The following CSMD1 variants were observed in gnomAD, a reference collection of about 807,000 sequenced individuals.
CSMD1 encodes CUB and sushi domain-containing protein 1.
Under a neutral mutation model 417.5 loss-of-function variants are expected in CSMD1, and 213 were observed. That is an observed-to-expected ratio of 0.51 (90% CI 0.46 to 0.57). The LOEUF (loss-of-function observed/expected upper bound fraction) is 0.57, where lower values mean the gene tolerates loss of function less well. CSMD1 is among the 20% of genes least tolerant of loss of function. CSMD1 has a pLI of 0.00. For missense variants in CSMD1, 6,923 were observed against 4,529.7 expected (o/e 1.53, Z -15.17); for synonymous variants, 2,862 against 1,736.8 (o/e 1.65, Z -16.11).
chr8:4,434,007 C>T (rs984039400), intron 2 of CSMD1, among the ~76,000 whole-genome samples: 1 of 152,088 alleles, frequency 6.6e-6, no homozygotes, highest in Non-Finnish European at 1.5e-5. Flanking sequence ...TTAACAGCTT[C>T]AATTCTTTTC....
intron 20 of CSMD1, among the ~76,000 whole-genome samples, chr8:3,361,555 G>A (rs1291667721): frequency 6.6e-6 from 1 of 150,774 alleles, no homozygotes; most frequent in African/African-American, 2.4e-5. Flanking sequence ...GGGAGGCCGA[G>A]GCAGAAGAAT....
At chr8:3,935,469 T>G (rs1035164380) in intron 5 of CSMD1, among the ~76,000 whole-genome samples, 1 of 152,210 alleles carries the variant, frequency 6.6e-6, no homozygotes. Context: ...AACAGGTCTA[T>G]TGGTGTCATT....
intron 4 of CSMD1, among the ~76,000 whole-genome samples, chr8:4,021,993 T>A (rs1484472348): frequency 1.3e-5 from 2 of 151,858 alleles, no homozygotes; most frequent in Admixed American, 6.6e-5. Context: ...GATAGTTAGG[T>A]CTGTCTAATT....
chr8:3,247,703 C>T (rs79628064), intron 26 of CSMD1, among the ~76,000 whole-genome samples: 12,736 of 152,182 alleles, frequency 0.084, 712 homozygotes, highest in Non-Finnish European at 0.12. Context: ...AACCACATCT[C>T]CCAACAGTTG....
At chr8:3,265,790 C>T (rs954782992) in intron 26 of CSMD1, among the ~76,000 whole-genome samples, 1 of 152,092 alleles carries the variant, frequency 6.6e-6, no homozygotes, top group Non-Finnish European at 1.5e-5. Context: ...TGCAGTTGCA[C>T]CCTCCACACA....
intron 51 of CSMD1, among the ~76,000 whole-genome samples, chr8:3,028,185 G>A (rs554744227): frequency 1.1e-4 from 16 of 152,282 alleles, no homozygotes; most frequent in Admixed American, 8.5e-4. Context: ...GTTTGAAATC[G>A]ACAAGATGAT....
intron 1 of CSMD1, among the ~76,000 whole-genome samples, chr8:4,659,743 T>C (rs1274084143): frequency 6.6e-6 from 1 of 152,170 alleles, no homozygotes; most frequent in Non-Finnish European, 1.5e-5. Flanking sequence ...ACATTGTGAA[T>C]GTACTGACGC....
intron 49 of CSMD1, among the ~76,000 whole-genome samples, chr8:3,074,767 A>AG (rs1813529778): frequency 6.6e-6 from 1 of 152,222 alleles, no homozygotes; most frequent in Admixed American, 6.5e-5. Flanking sequence ...TTTTATTATA[A>AG]TTTTTGGATA....
chr8:3,070,121 C>G (rs914823742), intron 49 of CSMD1, among the ~76,000 whole-genome samples: 1 of 152,204 alleles, frequency 6.6e-6, no homozygotes, highest in African/African-American at 2.4e-5. Flanking sequence ...GCCTGGCCCA[C>G]AAAATCATCT....
At chr8:4,888,593 A>T (rs2118567) in intron 1 of CSMD1, among the ~76,000 whole-genome samples, 145,520 of 151,992 alleles carry the variant, frequency 0.96, 69,769 homozygotes, top group East Asian at 1. Context: ...GCTAAGAAGG[A>T]CTACGGCAGT....
At chr8:3,213,791 G>T (rs976507662) in intron 30 of CSMD1, among the ~76,000 whole-genome samples, 1 of 150,510 alleles carries the variant, frequency 6.6e-6, no homozygotes, top group East Asian at 2.0e-4. Context: ...GTATATATAT[G>T]TATGAGACTC....
rs114572489 is a variant in CSMD1 at position 3,003,711 on chromosome 8, C to T, written c.8030-3580G>A. On this transcript the variant is annotated intron_variant, in intron 52 of 69. Transcript: ENST00000635120. ...TCACGTGCAGAGTCCTGAGGGTGTGCGGACCTAGCAGGCTGGGAACGAGTG... is the reference window on the plus strand; with the variant it reads ...TCACGTGCAGAGTCCTGAGGGTGTGTGGACCTAGCAGGCTGGGAACGAGTG... 2.1e-3 allele frequency among the ~76,000 whole-genome samples: 313 copies of T among 152,200 alleles called. 5 individuals carry two copies. The highest frequency in any genetic ancestry group is 0.014 in the Middle Eastern group (4 of 294).
At chr8:4,201,095 C>A (rs1034384663) in intron 3 of CSMD1, among the ~76,000 whole-genome samples, 2 of 152,130 alleles carry the variant, frequency 1.3e-5, no homozygotes, top group Non-Finnish European at 2.9e-5. Flanking sequence ...CAATGTCTTA[C>A]CTTTCAGAGA....
intron 2 of CSMD1, among the ~76,000 whole-genome samples, chr8:4,602,539 G>C (rs1390821321): frequency 2.6e-5 from 4 of 152,152 alleles, no homozygotes; most frequent in African/African-American, 9.7e-5. Flanking sequence ...GAACATATTG[G>C]TCATTATAGT....
chr8:4,189,259 T>C (rs75804553), intron 3 of CSMD1, among the ~76,000 whole-genome samples: 5 of 152,200 alleles, frequency 3.3e-5, no homozygotes, highest in African/African-American at 1.2e-4. Context: ...TTTGCCCATC[T>C]GTAGAGAAAC....
At chr8:4,733,194 T>G (rs934685141) in intron 1 of CSMD1, among the ~76,000 whole-genome samples, 1 of 152,224 alleles carries the variant, frequency 6.6e-6, no homozygotes, top group African/African-American at 2.4e-5. Flanking sequence ...GAAACCATGT[T>G]GAACATTACA....
intron 8 of CSMD1, among the ~76,000 whole-genome samples, chr8:3,590,473 A>G (rs1800798994): frequency 6.6e-6 from 1 of 152,130 alleles, no homozygotes; most frequent in African/African-American, 2.4e-5. Context: ...TTCAGTGGAG[A>G]GCGGAGGATT....
At position 4,139,676 on chromosome 8, in the gene CSMD1, C is replaced by G. The variant is rs986325756; in HGVS notation, c.416-107577G>C. ...AGGGCAAAGGGATGCCAAACAGTGC[C>G]ATTTGCAAATGTTAGAATGATGATT... On this transcript the variant is annotated intron_variant, in intron 3 of 69. Transcript: ENST00000635120. Among the ~76,000 whole-genome samples, 29 of 151,088 alleles carry G rather than the reference C, an allele frequency of 1.9e-4. 2 individuals are homozygous for G. Among genetic ancestry groups the G allele is most frequent in the Non-Finnish European group, 3.7e-4 (25 of 68,038 alleles).
intron 3 of CSMD1, among the ~76,000 whole-genome samples, chr8:4,330,035 T>A (rs1023265014): frequency 1.6e-4 from 24 of 152,134 alleles, no homozygotes; most frequent in African/African-American, 5.8e-4. Flanking sequence ...GTGAGCCAAT[T>A]AAACCTCTTT....
Sources: gnomAD v4.1 joint callset for allele counts (sites outside exome capture counted in the v4.1 genomes callset) on GRCh38, gnomAD v4.1.1 for gene constraint, MANE v1.5 for transcripts, NCBI Gene and HGNC (gene_info 2026-07-23, HGNC 2026-07-21) for gene names.